The following ATOSA variants were observed in gnomAD, a reference collection of about 807,000 sequenced individuals.
ATOSA encodes the protein atos homolog protein A.
the ATOSA span, among the ~76,000 whole-genome samples, chr15:52,705,094 G>A: frequency 1.3e-5 from 2 of 152,074 alleles, no homozygotes; most frequent in Non-Finnish European, 2.9e-5. Flanking sequence ...GCAAAGACTT[G>A]GAACCAACCC....
chr15:52,600,034 C>T, the ATOSA span: 3 of 510,290 alleles, frequency 5.9e-6, no homozygotes, highest in East Asian at 3.3e-5. Context: ...TATTTCTTTC[C>T]TTTTCACAAC....
the ATOSA span, among the ~76,000 whole-genome samples, chr15:52,650,091 T>C: frequency 6.6e-6 from 1 of 152,216 alleles, no homozygotes; most frequent in African/African-American, 2.4e-5. Flanking sequence ...GTTCTATAAT[T>C]AGAAAATAAA....
chr15:52,652,872 A>T, the ATOSA span, among the ~76,000 whole-genome samples: 7 of 152,168 alleles, frequency 4.6e-5, no homozygotes, highest in Non-Finnish European at 8.8e-5. Context: ...ACCAGTTCAT[A>T]CTGTCTCCAC....
chr15:52,635,356 T>TGATA, the ATOSA span, among the ~76,000 whole-genome samples: 1 of 152,204 alleles, frequency 6.6e-6, no homozygotes, highest in Non-Finnish European at 1.5e-5. Flanking sequence ...ACATTTACCA[T>TGATA]GATAGATCAT....
the ATOSA span, among the ~76,000 whole-genome samples, chr15:52,684,386 A>G: frequency 3.8e-3 from 575 of 152,274 alleles, 1 homozygote; most frequent in Non-Finnish European, 5.3e-3. Flanking sequence ...AAAGTTAAAA[A>G]GTTAGCCAGG....
At chr15:52,673,991 G>C in the ATOSA span, among the ~76,000 whole-genome samples, 1 of 152,116 alleles carries the variant, frequency 6.6e-6, no homozygotes, top group Non-Finnish European at 1.5e-5. Flanking sequence ...TTTGTTTGTG[G>C]AACAGATTTT....
the ATOSA span, among the ~76,000 whole-genome samples, chr15:52,704,403 C>G: frequency 2.6e-5 from 4 of 152,134 alleles, no homozygotes; most frequent in Non-Finnish European, 5.9e-5. Context: ...CATAAAAACC[C>G]TAGAAGAAAA....
the ATOSA span, among the ~76,000 whole-genome samples, chr15:52,674,012 T>C: frequency 6.6e-6 from 1 of 152,208 alleles, no homozygotes; most frequent in Non-Finnish European, 1.5e-5. Context: ...GCACTACTAG[T>C]TTTAACTTAA....
the ATOSA span, among the ~76,000 whole-genome samples, chr15:52,583,740 T>A: frequency 6.6e-6 from 1 of 152,228 alleles, no homozygotes; most frequent in Non-Finnish European, 1.5e-5. Context: ...GATTTTTCAT[T>A]CCCACAATCT....
chr15:52,663,998 T>C, the ATOSA span, among the ~76,000 whole-genome samples: 4 of 152,182 alleles, frequency 2.6e-5, no homozygotes, highest in African/African-American at 9.7e-5. Flanking sequence ...CAGAGCAAAT[T>C]TGAATTCTAT....
the ATOSA span, among the ~76,000 whole-genome samples, chr15:52,638,077 A>G: frequency 6.6e-6 from 1 of 152,200 alleles, no homozygotes; most frequent in Non-Finnish European, 1.5e-5. Context: ...ACCACTAAGT[A>G]TATTAGGTAT....
the ATOSA span, among the ~76,000 whole-genome samples, chr15:52,672,172 C>CAAAAAAAAAAAAAAAA: frequency 2.5e-3 from 157 of 62,576 alleles, 21 homozygotes; most frequent in African/African-American, 0.01. Context: ...CCCCATTTCT[C>CAAAAAAAAAAAAAAAA]AAAAAAAAAA....
At chr15:52,623,775 T>C in the ATOSA span, among the ~76,000 whole-genome samples, 41 of 152,210 alleles carry the variant, frequency 2.7e-4, no homozygotes, top group Non-Finnish European at 2.9e-5. Flanking sequence ...CTGTCAATTA[T>C]TCTGAAGAGT....
chr15:52,662,940 T>C, the ATOSA span, among the ~76,000 whole-genome samples: 1 of 152,038 alleles, frequency 6.6e-6, no homozygotes, highest in Non-Finnish European at 1.5e-5. Context: ...TAGATGCATG[T>C]TGGGTAATTT....
At chr15:52,666,784 T>A in the ATOSA span, among the ~76,000 whole-genome samples, 1 of 152,130 alleles carries the variant, frequency 6.6e-6, no homozygotes, top group African/African-American at 2.4e-5. Flanking sequence ...CCTGCCCTCA[T>A]GAAGCTTATA....
At chr15:52,605,200 T>C in the ATOSA span, 1 of 1,611,490 alleles carries the variant, frequency 6.2e-7, no homozygotes, top group Non-Finnish European at 8.5e-7. Flanking sequence ...ATCCAAGGAA[T>C]GAAAATTATG....
the ATOSA span, among the ~76,000 whole-genome samples, chr15:52,647,650 C>T: frequency 2.0e-5 from 3 of 152,096 alleles, no homozygotes; most frequent in Admixed American, 2.0e-4. Context: ...AAATAAATCA[C>T]CAAGGGATTT....
chr15:52,620,727 T>C, the ATOSA span, among the ~76,000 whole-genome samples: 2 of 151,788 alleles, frequency 1.3e-5, no homozygotes, highest in Non-Finnish European at 2.9e-5. Context: ...GGCAGGCTGA[T>C]TGCTTGAGCT....
chr15:52,611,137 G>A, the ATOSA span: 1 of 1,613,274 alleles, frequency 6.2e-7, no homozygotes, highest in Non-Finnish European at 8.5e-7. Context: ...TACCTGTAGA[G>A]AATATTTCGT....
Sources: allele counts gnomAD v4.1 joint callset (sites outside exome capture counted in the v4.1 genomes callset), GRCh38; gene constraint gnomAD v4.1.1; transcripts MANE v1.5; gene names NCBI Gene and HGNC (gene_info 2026-07-23, HGNC 2026-07-21).